The following DNAJC3 variants were observed in gnomAD, a reference collection of about 807,000 sequenced individuals.
DNAJC3 encodes the protein DnaJ heat shock protein family (Hsp40) member C3, also known as dnaJ homolog subfamily C member 3.
A neutral mutation model predicts 68.6 loss-of-function variants in DNAJC3; 38 were observed. The ratio of observed to expected loss-of-function variants is 0.55; its 90% CI spans 0.43 to 0.73. DNAJC3 has a LOEUF of 0.73. Among genes scored for constraint, DNAJC3 ranks in the 30% least tolerant of loss-of-function variants. The pLI, the probability that DNAJC3 is intolerant of heterozygous loss-of-function variation, is 0.00. For synonymous variants in DNAJC3, 203 were observed against 204.0 expected, an observed-to-expected ratio of 1.00 and a Z score of 0.04; for missense variants, 526 against 591.9, an observed-to-expected ratio of 0.89 and a Z score of 1.16.
chr13:95,790,782 C>A, intron 11 of DNAJC3, 91 bp from the exon 12 acceptor site: 2 of 1,287,892 alleles, frequency 1.6e-6, no homozygotes, highest in Non-Finnish European at 1.1e-6. Context: ...GCTCCTCAAG[C>A]CCACCCACCC....
At chr13:95,725,667 T>TC (rs1373367247) in intron 4 of DNAJC3, among the ~76,000 whole-genome samples, 21 of 151,844 alleles carry the variant, frequency 1.4e-4, no homozygotes, top group African/African-American at 5.1e-4. Context: ...CTTTTTTTTT[T>TC]TCTCTTTTTT....
intron 4 of DNAJC3, among the ~76,000 whole-genome samples, chr13:95,730,871 T>C (rs887006773): frequency 2.6e-5 from 4 of 152,228 alleles, no homozygotes; most frequent in African/African-American, 9.6e-5. Flanking sequence ...GATACAGATA[T>C]CCTTGAATCT....
intron 4 of DNAJC3, among the ~76,000 whole-genome samples, chr13:95,737,732 G>C (rs1881974885): frequency 6.7e-6 from 1 of 148,822 alleles, no homozygotes; most frequent in Non-Finnish European, 1.5e-5. Context: ...TATTAGTCTT[G>C]CTAGTGGTCT....
chr13:95,697,366 T>C (rs1335252880), intron 1 of DNAJC3, among the ~76,000 whole-genome samples: 2 of 152,218 alleles, frequency 1.3e-5, no homozygotes, highest in Non-Finnish European at 1.5e-5. Flanking sequence ...CCAAACTCTT[T>C]TGGCATGTAA....
At chr13:95,691,219 G>A (rs529971188) in intron 1 of DNAJC3, among the ~76,000 whole-genome samples, 7 of 151,960 alleles carry the variant, frequency 4.6e-5, no homozygotes, top group African/African-American at 1.2e-4. Flanking sequence ...CCTCCCGGAC[G>A]AGGTGGCTGC....
chr13:95,780,251 G>C (rs908844752), intron 9 of DNAJC3, among the ~76,000 whole-genome samples: 6 of 152,128 alleles, frequency 3.9e-5, no homozygotes, highest in Non-Finnish European at 7.4e-5. Flanking sequence ...TGTGTGTTTT[G>C]CACTTCAGGA....
At chr13:95,761,019 A>G (rs187589918) in intron 7 of DNAJC3, among the ~76,000 whole-genome samples, 3 of 152,364 alleles carry the variant, frequency 2.0e-5, no homozygotes, top group South Asian at 2.1e-4. Context: ...AATTACTTGT[A>G]CTATACCAAA....
rs146893537 is a variant in DNAJC3, at chr13:95,760,164, C to T, written c.671C>T (p.Ala224Val). Reference sequence around the variant, plus strand: ...AAGTTGAAGAATGATAATACTGAAGCGTTTTATAAAATAAGCACACTGTAC... The same window carrying T: ...AAGTTGAAGAATGATAATACTGAAGTGTTTTATAAAATAAGCACACTGTAC... ...ASKLKNDNTE[A>V]FYKISTLYYQ... is the part of the protein sequence containing the mutation. The change falls in exon 6 of 12, where the codon GCG becomes GTG. Residue 224 changes from alanine to valine, a missense_variant. Physicochemically the swap from Ala to Val is moderately conservative, Grantham distance 64. Transcript: ENST00000602402. 30 of 1,611,670 alleles carry T rather than the reference C, an allele frequency of 1.9e-5. No homozygotes were observed. The South Asian group carries it at 2.1e-4, about 11-fold the overall frequency.
chr13:95,714,535 ATG>A (rs1376034757), intron 2 of DNAJC3, among the ~76,000 whole-genome samples: 1 of 152,134 alleles, frequency 6.6e-6, no homozygotes, highest in Non-Finnish European at 1.5e-5. Flanking sequence ...TTTCTTAACT[ATG>A]TGACATTTCT....
At chr13:95,774,230 T>C (rs889013069) in intron 9 of DNAJC3, among the ~76,000 whole-genome samples, 1 of 152,232 alleles carries the variant, frequency 6.6e-6, no homozygotes, top group Admixed American at 6.5e-5. Flanking sequence ...ACCTTTCACA[T>C]TTTGTTTTAC....
In DNAJC3 at chr13:95,684,618, G is replaced by A. The variant is rs151303778; in HGVS notation, c.82+7281G>A. Among the ~76,000 whole-genome samples the A allele has an allele frequency of 2.3e-3, 345 of 152,328 alleles. 5 individuals carry two copies. The highest frequency in any genetic ancestry group is 0.01 in the Middle Eastern group (3 of 294). ...AGAGGAGCCAAGTGCTGATAGCCAA[G>A]ACAATGGGAAAAAGGGCTCCAAGGC... On this transcript the variant is annotated intron_variant, in intron 1 of 11. Coordinates refer to ENST00000602402, the MANE Select transcript of DNAJC3 (RefSeq NM_006260.5).
chr13:95,684,266 A>G (rs191166699), intron 1 of DNAJC3, among the ~76,000 whole-genome samples: 1 of 152,264 alleles, frequency 6.6e-6, no homozygotes, highest in African/African-American at 2.4e-5. Flanking sequence ...AACTGGAGTA[A>G]AGGCCACTCT....
intron 1 of DNAJC3, 95 bp from the exon 2 acceptor site, chr13:95,709,132 T>C (rs1001614851): frequency 3.5e-6 from 3 of 860,452 alleles, no homozygotes; most frequent in Admixed American, 7.7e-5. Flanking sequence ...TCTGAGTAGA[T>C]GACTGAGACA....
chr13:95,777,666 A>G (rs1594024777), intron 9 of DNAJC3, among the ~76,000 whole-genome samples: 1 of 152,330 alleles, frequency 6.6e-6, no homozygotes, highest in East Asian at 1.9e-4. Context: ...GTTTTCCCAA[A>G]CACATAAAGC....
At chr13:95,784,958 A>T (rs17880413) in intron 9 of DNAJC3, among the ~76,000 whole-genome samples, 1,980 of 151,276 alleles carry the variant, frequency 0.013, 49 homozygotes, top group African/African-American at 0.046. Context: ...AAAATTTTTA[A>T]AAAAAAATAC....
At chr13:95,784,141 CAT>C (rs1486419787) in intron 9 of DNAJC3, among the ~76,000 whole-genome samples, 14 of 152,198 alleles carry the variant, frequency 9.2e-5, no homozygotes, top group African/African-American at 2.7e-4. Context: ...TGAGTGTTCA[CAT>C]GTCTTTTATC....
At chr13:95,716,831 C>T (rs1881164865) in intron 2 of DNAJC3, among the ~76,000 whole-genome samples, 1 of 152,118 alleles carries the variant, frequency 6.6e-6, no homozygotes, top group African/African-American at 2.4e-5. Flanking sequence ...TATATGGGCA[C>T]AGTATGGGGT....
intron 1 of DNAJC3, among the ~76,000 whole-genome samples, chr13:95,688,350 C>G (rs1388514783): frequency 1.3e-5 from 2 of 151,370 alleles, no homozygotes; most frequent in Admixed American, 6.6e-5. Context: ...CTTGTCTTTT[C>G]TAGTTTTCAA....
chr13:95,740,516 C>T (rs1364276489), intron 4 of DNAJC3, among the ~76,000 whole-genome samples: 3 of 151,664 alleles, frequency 2.0e-5, no homozygotes, highest in Non-Finnish European at 3.0e-5. Flanking sequence ...TCTCGTGGTG[C>T]GCCGTTTTTT....
Sources: allele counts gnomAD v4.1 joint callset (sites outside exome capture counted in the v4.1 genomes callset), GRCh38; gene constraint gnomAD v4.1.1; transcripts MANE v1.5; gene names NCBI Gene and HGNC (gene_info 2026-07-23, HGNC 2026-07-21).